The following ADGRL3 variants were observed in gnomAD, a reference collection of about 807,000 sequenced individuals.
ADGRL3 encodes the protein calcium-independent alpha-latrotoxin receptor 3.
In ADGRL3, 62 loss-of-function variants were observed where a neutral mutation model predicts 153.5. The ratio of observed to expected loss-of-function variants is 0.40; its 90% CI spans 0.33 to 0.50. ADGRL3 has a LOEUF of 0.50. ADGRL3 is among the 20% of genes least tolerant of loss of function. ADGRL3 has a pLI of 0.47. For missense variants in ADGRL3, 1,641 were observed against 1,859.4 expected, an observed-to-expected ratio of 0.88 and a Z score of 2.16; for synonymous variants, 710 against 672.5, an observed-to-expected ratio of 1.06 and a Z score of -0.86.
At chr4:61,989,669 G>A (rs796658894) in intron 19 of ADGRL3, among the ~76,000 whole-genome samples, 5 of 152,042 alleles carry the variant, frequency 3.3e-5, no homozygotes, top group African/African-American at 1.2e-4. Context: ...TTTCTATTAA[G>A]AAGTTATCCA....
intron 2 of ADGRL3, among the ~76,000 whole-genome samples, chr4:61,415,590 T>C (rs896751829): frequency 2.0e-5 from 3 of 152,076 alleles, no homozygotes; most frequent in African/African-American, 7.2e-5. Flanking sequence ...AATTTTAATT[T>C]CTAAGTTAAT....
intron 17 of ADGRL3, among the ~76,000 whole-genome samples, chr4:61,957,059 C>A (rs2098969923): frequency 6.6e-6 from 1 of 152,042 alleles, no homozygotes; most frequent in Non-Finnish European, 1.5e-5. Flanking sequence ...GTAGTTTTTT[C>A]TAATTCTGTG....
intron 2 of ADGRL3, among the ~76,000 whole-genome samples, chr4:61,446,786 A>G (rs2097587415): frequency 6.6e-6 from 1 of 152,206 alleles, no homozygotes; most frequent in African/African-American, 2.4e-5. Context: ...CATCATTCCT[A>G]GTAGGTGTTT....
At chr4:61,543,210 T>C (rs1458349830) in intron 4 of ADGRL3, among the ~76,000 whole-genome samples, 4 of 149,426 alleles carry the variant, frequency 2.7e-5, no homozygotes, top group Admixed American at 2.7e-4. Context: ...TTTCTAATTT[T>C]ACATGGCATA....
intron 1 of ADGRL3, among the ~76,000 whole-genome samples, chr4:61,221,465 A>G (rs940572562): frequency 5.9e-5 from 9 of 152,154 alleles, no homozygotes; most frequent in Admixed American, 3.3e-4. Context: ...TTCTCTAATT[A>G]TAGTATTCAA....
At chr4:61,329,709 A>G (rs2095533491) in intron 1 of ADGRL3, among the ~76,000 whole-genome samples, 1 of 152,158 alleles carries the variant, frequency 6.6e-6, no homozygotes, top group African/African-American at 2.4e-5. Context: ...AATATAGTAT[A>G]CAGTTTTGTG....
chr4:61,206,723 T>C (rs903669254), intron 1 of ADGRL3, among the ~76,000 whole-genome samples: 19 of 152,286 alleles, frequency 1.2e-4, no homozygotes, highest in African/African-American at 3.9e-4. Flanking sequence ...GGCTTACACC[T>C]CTAATCCTAG....
At chr4:61,417,964 G>C (rs1262898985) in intron 2 of ADGRL3, among the ~76,000 whole-genome samples, 2 of 152,140 alleles carry the variant, frequency 1.3e-5, no homozygotes, top group Admixed American at 1.3e-4. Context: ...GTTGGGGATT[G>C]AGATTGGTCT....
At chr4:61,576,405 A>G (rs2098882878) in intron 4 of ADGRL3, among the ~76,000 whole-genome samples, 1 of 151,518 alleles carries the variant, frequency 6.6e-6, no homozygotes. Context: ...TGCTTTGGGA[A>G]GAAAACTGTC....
At chr4:61,550,179 G>C (rs13139436) in intron 4 of ADGRL3, among the ~76,000 whole-genome samples, 56,710 of 151,258 alleles carry the variant, frequency 0.37, 11,149 homozygotes, top group East Asian at 0.75. Context: ...ATTTAATTCA[G>C]ATAGTATATT....
At chr4:61,900,105 C>T (rs1311673018) in intron 11 of ADGRL3, among the ~76,000 whole-genome samples, 1 of 152,092 alleles carries the variant, frequency 6.6e-6, no homozygotes, top group Admixed American at 6.6e-5. Context: ...GTGGACATAT[C>T]ATTAACCTCT....
At chr4:61,447,463 T>C (rs988831285) in intron 2 of ADGRL3, among the ~76,000 whole-genome samples, 2 of 152,202 alleles carry the variant, frequency 1.3e-5, no homozygotes, top group African/African-American at 2.4e-5. Flanking sequence ...GAGTTTGTGA[T>C]TGATATGATC....
At chr4:61,964,624 C>T (rs1397257629) in intron 17 of ADGRL3, among the ~76,000 whole-genome samples, 2 of 151,986 alleles carry the variant, frequency 1.3e-5, no homozygotes, top group African/African-American at 4.8e-5. Flanking sequence ...CCCACAATAT[C>T]AGTATCACTA....
intron 3 of ADGRL3, among the ~76,000 whole-genome samples, chr4:61,499,991 C>CACACACACACACACACACACAT (rs2098366818): frequency 1.6e-5 from 2 of 127,258 alleles, no homozygotes; most frequent in Non-Finnish European, 3.2e-5. Flanking sequence ...CACACAGACA[C>CACACACACACACACACACACAT]ACACACACAC....
chr4:61,294,455 T>G (rs952561961), intron 1 of ADGRL3, among the ~76,000 whole-genome samples: 7 of 152,176 alleles, frequency 4.6e-5, no homozygotes, highest in African/African-American at 1.7e-4. Flanking sequence ...ATTAAATGCA[T>G]TTTCAACTTA....
At chr4:62,019,571 T>G (rs2099228464) in intron 21 of ADGRL3, among the ~76,000 whole-genome samples, 1 of 152,146 alleles carries the variant, frequency 6.6e-6, no homozygotes, top group Admixed American at 6.6e-5. Flanking sequence ...TTGACTTTTT[T>G]AAGAAGATTA....
chr4:61,671,362 G>A (rs898551718), intron 5 of ADGRL3, among the ~76,000 whole-genome samples: 2 of 152,124 alleles, frequency 1.3e-5, no homozygotes, highest in African/African-American at 4.8e-5. Context: ...GGGAAGATGT[G>A]TATCTTCTAT....
intron 6 of ADGRL3, among the ~76,000 whole-genome samples, chr4:61,722,301 G>C (rs1387114051): frequency 6.6e-6 from 1 of 152,074 alleles, no homozygotes; most frequent in Non-Finnish European, 1.5e-5. Flanking sequence ...CAGAGCTCTT[G>C]AAATCTTGTG....
chr4:61,827,299 T>G (rs958802161), intron 9 of ADGRL3, among the ~76,000 whole-genome samples: 1 of 152,224 alleles, frequency 6.6e-6, no homozygotes, highest in African/African-American at 2.4e-5. Flanking sequence ...GACTTTTGAC[T>G]GGTGATTGTG....
Sources: gnomAD v4.1 joint callset for allele counts (sites outside exome capture counted in the v4.1 genomes callset) on GRCh38, gnomAD v4.1.1 for gene constraint, MANE v1.5 for transcripts, NCBI Gene and HGNC (gene_info 2026-07-23, HGNC 2026-07-21) for gene names.